Variants in ADAMTSL3 observed in about 807,000 individuals in gnomAD.
The protein encoded by ADAMTSL3 is ADAMTS-like protein 3.
In ADAMTSL3, 128 loss-of-function variants were observed where a neutral mutation model predicts 201.7. The ratio of observed to expected loss-of-function variants is 0.63; its 90% CI spans 0.55 to 0.73. ADAMTSL3 has a LOEUF of 0.73. Among genes scored for constraint, ADAMTSL3 ranks in the 30% least tolerant of loss-of-function variants. ADAMTSL3 has a pLI of 0.00. For missense variants in ADAMTSL3, 1,990 were observed against 2,119.6 expected, an observed-to-expected ratio of 0.94 and a Z score of 1.20; for synonymous variants, 738 against 748.4, an observed-to-expected ratio of 0.99 and a Z score of 0.23.
At chr15:84,010,037 A>C (rs574821051) in intron 23 of ADAMTSL3, among the ~76,000 whole-genome samples, 2 of 152,392 alleles carry the variant, frequency 1.3e-5, no homozygotes, top group East Asian at 3.9e-4. Flanking sequence ...GTAAGAGGCA[A>C]GTCTGAATTA....
chr15:83,695,146 A>ATATGTGTAATGTGT (rs2061663114), intron 2 of ADAMTSL3, among the ~76,000 whole-genome samples: 1 of 45,752 alleles, frequency 2.2e-5, no homozygotes, highest in African/African-American at 8.6e-5. Context: ...TTTGTGGTGT[A>ATATGTGTAATGTGT]GGTATGTGTG....
chr15:83,763,597 C>T (rs781371431), intron 3 of ADAMTSL3, among the ~76,000 whole-genome samples: 8 of 151,806 alleles, frequency 5.3e-5, no homozygotes, highest in African/African-American at 7.3e-5. Flanking sequence ...CTCTGCCTCC[C>T]GGGTTCACGC....
intron 3 of ADAMTSL3, among the ~76,000 whole-genome samples, chr15:83,722,704 C>A (rs1051204471): frequency 9.9e-5 from 15 of 152,136 alleles, no homozygotes; most frequent in South Asian, 6.2e-4. Flanking sequence ...CAAGAGTATT[C>A]GTTTCAGAAA....
chr15:84,036,322 G>C (rs950863001), intron 28 of ADAMTSL3, among the ~76,000 whole-genome samples: 1 of 152,194 alleles, frequency 6.6e-6, no homozygotes, highest in Non-Finnish European at 1.5e-5. Context: ...TAGCAGACAA[G>C]GTTGCTCACA....
intron 6 of ADAMTSL3, among the ~76,000 whole-genome samples, chr15:83,830,408 T>C (rs2064131208): frequency 2.0e-5 from 3 of 152,146 alleles, no homozygotes; most frequent in Admixed American, 1.3e-4. Context: ...ACAGAATAGC[T>C]TTCTATATAG....
At chr15:83,924,168 G>A in intron 17 of ADAMTSL3, 135 bp downstream of exon 17, 1 of 1,210,244 alleles carries the variant, frequency 8.3e-7, no homozygotes, top group South Asian at 1.7e-5. Flanking sequence ...AGCTCTCTTT[G>A]CTCAAGTTAT....
At chr15:83,966,394 A>AGAG (rs1472265359) in intron 19 of ADAMTSL3, among the ~76,000 whole-genome samples, 16 of 152,352 alleles carry the variant, frequency 1.1e-4, no homozygotes, top group Non-Finnish European at 1.0e-4. Flanking sequence ...AGAATACTAT[A>AGAG]AACACCTCTA....
At chr15:83,793,683 G>C (rs2063379002) in intron 4 of ADAMTSL3, among the ~76,000 whole-genome samples, 1 of 152,108 alleles carries the variant, frequency 6.6e-6, no homozygotes, top group African/African-American at 2.4e-5. Context: ...CACCATGTTG[G>C]AGAGGCTAGT....
chr15:83,906,620 CACCACACACACACA>C (rs2065839509), intron 15 of ADAMTSL3, among the ~76,000 whole-genome samples: 9 of 25,058 alleles, frequency 3.6e-4, no homozygotes, highest in Middle Eastern at 0.048. Context: ...TAGTGCCACA[CACCACACACACACA>C]CACACACACA....
rs200983689 is a variant in ADAMTSL3 at position 83,782,742 on chromosome 15, G to A, written c.317+9092G>A. Among the ~76,000 whole-genome samples the A allele has an allele frequency of 6.6e-5, 10 of 151,976 alleles. No homozygotes were observed. The East Asian group carries it at 1.9e-3, about 29-fold the overall frequency. ...TATTGGAGGGTGGAAGGTGAGAGGA[G>A]GTAGAGGATCAGGAAAAATAACTAA... On this transcript the variant is annotated intron_variant, in intron 4 of 29. Coordinates refer to ENST00000286744, the MANE Select transcript of ADAMTSL3 (RefSeq NM_207517.3).
chr15:84,032,833 G>A (rs1268229610), intron 28 of ADAMTSL3, among the ~76,000 whole-genome samples: 1 of 152,042 alleles, frequency 6.6e-6, no homozygotes, highest in Non-Finnish European at 1.5e-5. Context: ...GGGTACAAAG[G>A]GTAATATTTT....
chr15:83,705,075 T>G (rs2141507441), intron 3 of ADAMTSL3, among the ~76,000 whole-genome samples: 1 of 152,208 alleles, frequency 6.6e-6, no homozygotes, highest in Admixed American at 6.5e-5. Context: ...CACTGGAAGT[T>G]GTGATTCCCT....
chr15:83,773,024 C>T (rs906425543), intron 3 of ADAMTSL3, among the ~76,000 whole-genome samples: 9 of 152,032 alleles, frequency 5.9e-5, no homozygotes, highest in African/African-American at 1.7e-4. Flanking sequence ...AAAGCTATCT[C>T]GACAAAACCT....
chr15:83,881,316 C>T (rs773588878), intron 9 of ADAMTSL3, among the ~76,000 whole-genome samples: 1 of 152,196 alleles, frequency 6.6e-6, no homozygotes, highest in Non-Finnish European at 1.5e-5. Context: ...TTTACCAACA[C>T]CTGACACCTT....
At chr15:83,935,051 A>C (rs1044973590) in intron 17 of ADAMTSL3, among the ~76,000 whole-genome samples, 5 of 152,200 alleles carry the variant, frequency 3.3e-5, no homozygotes, top group Non-Finnish European at 1.5e-5. Flanking sequence ...ACAGGTGGGA[A>C]GAGGGTAAAG....
intron 3 of ADAMTSL3, among the ~76,000 whole-genome samples, chr15:83,733,374 TG>T (rs2062314106): frequency 6.6e-6 from 1 of 152,144 alleles, no homozygotes; most frequent in South Asian, 2.1e-4. Flanking sequence ...GTTCTCTTCC[TG>T]GGGGTGAGAG....
At chr15:83,956,609 C>G (rs1387374110) in intron 19 of ADAMTSL3, among the ~76,000 whole-genome samples, 1 of 151,976 alleles carries the variant, frequency 6.6e-6, no homozygotes, top group African/African-American at 2.4e-5. Flanking sequence ...CCAAAATATG[C>G]CCAGTGGATT....
intron 2 of ADAMTSL3, among the ~76,000 whole-genome samples, chr15:83,694,644 T>C (rs577545880): frequency 1.0e-3 from 153 of 152,250 alleles, no homozygotes; most frequent in Admixed American, 2.1e-3. Flanking sequence ...GGCAAGGCTT[T>C]CTTTCCGCTC....
chr15:83,763,925 T>C (rs2062852362), intron 3 of ADAMTSL3, among the ~76,000 whole-genome samples: 1 of 152,228 alleles, frequency 6.6e-6, no homozygotes, highest in African/African-American at 2.4e-5. Context: ...TCTTAACCAT[T>C]ATCAGGTAAA....
Sources: allele counts gnomAD v4.1 joint callset (sites outside exome capture counted in the v4.1 genomes callset), GRCh38; gene constraint gnomAD v4.1.1; transcripts MANE v1.5; gene names NCBI Gene and HGNC (gene_info 2026-07-23, HGNC 2026-07-21).